Variants in SIRPG observed in about 807,000 individuals in gnomAD.
SIRPG encodes signal-regulatory protein gamma.
Under a neutral mutation model 35.7 loss-of-function variants are expected in SIRPG, and 38 were observed. That is an observed-to-expected ratio of 1.06 (90% CI 0.82 to 1.40). The LOEUF is 1.40. Ranked by LOEUF, SIRPG falls within the 40% of genes most tolerant of loss-of-function variation. SIRPG has a pLI of 0.00. For missense variants in SIRPG, 519 were observed against 483.0 expected (o/e 1.07, Z -0.70); for synonymous variants, 215 against 190.4 (o/e 1.13, Z -1.06).
chr20:1,685,489 C>T, the SIRPG span, among the ~76,000 whole-genome samples: 10 of 152,178 alleles, frequency 6.6e-5, no homozygotes, highest in South Asian at 4.1e-4. Context: ...CGGCCATCTA[C>T]GAGCCAGTAA....
chr20:1,652,104 C>G (rs963034470), intron 1 of SIRPG, among the ~76,000 whole-genome samples: 1 of 152,192 alleles, frequency 6.6e-6, no homozygotes, highest in Non-Finnish European at 1.5e-5. Context: ...TTCTAGACCA[C>G]TCCTGATGGT....
intron 1 of SIRPG, among the ~76,000 whole-genome samples, chr20:1,652,374 G>A (rs1025631877): frequency 6.6e-6 from 1 of 152,220 alleles, no homozygotes; most frequent in African/African-American, 2.4e-5. Context: ...ATTAAAATTT[G>A]TCAGGTGCAG....
intron 2 of SIRPG, among the ~76,000 whole-genome samples, chr20:1,642,085 A>G (rs1208738688): frequency 1.3e-5 from 2 of 152,102 alleles, no homozygotes; most frequent in Admixed American, 6.6e-5. Context: ...TGGGGTGGAG[A>G]GTTCTGTAGA....
At chr20:1,642,704 G>T (rs1246047550) in intron 2 of SIRPG, among the ~76,000 whole-genome samples, 1 of 152,138 alleles carries the variant, frequency 6.6e-6, no homozygotes, top group African/African-American at 2.4e-5. Flanking sequence ...GCAGTGGCTG[G>T]TACCGGTTTT....
chr20:1,668,050 A>C, the SIRPG span, among the ~76,000 whole-genome samples: 1 of 152,204 alleles, frequency 6.6e-6, no homozygotes, highest in Non-Finnish European at 1.5e-5. Context: ...CATGTTAAGG[A>C]AATTGAATTG....
At chr20:1,682,104 C>G in the SIRPG span, among the ~76,000 whole-genome samples, 36,450 of 151,980 alleles carry the variant, frequency 0.24, 5,130 homozygotes, top group East Asian at 0.59. Flanking sequence ...TTTTGAGGGA[C>G]TATGCATTTT....
intron 2 of SIRPG, among the ~76,000 whole-genome samples, chr20:1,642,852 T>A (rs894227334): frequency 1.3e-5 from 2 of 152,188 alleles, no homozygotes; most frequent in African/African-American, 4.8e-5. Context: ...AGATATGAAA[T>A]TCTGGGTTGA....
At chr20:1,653,530 G>A in intron 1 of SIRPG, among the ~76,000 whole-genome samples, 1 of 152,170 alleles carries the variant, frequency 6.6e-6, no homozygotes, top group Non-Finnish European at 1.5e-5. Flanking sequence ...GGTAATATAG[G>A]CAGACCTGTG....
At chr20:1,651,522 A>G (rs1217853459) in intron 1 of SIRPG, 1 of 152,084 alleles carries the variant, frequency 6.6e-6, no homozygotes, top group Non-Finnish European at 1.5e-5. Context: ...CTACCCAGCT[A>G]TGCCTCTCCA....
the SIRPG span, chr20:1,670,154 T>C: frequency 3.8e-6 from 1 of 263,586 alleles, no homozygotes; most frequent in South Asian, 5.3e-5. Flanking sequence ...CTGTAGGTTC[T>C]AGGGGTAGAA....
At chr20:1,642,568 A>T (rs1038728291) in intron 2 of SIRPG, among the ~76,000 whole-genome samples, 1 of 152,126 alleles carries the variant, frequency 6.6e-6, no homozygotes, top group Non-Finnish European at 1.5e-5. Context: ...ACCTAATTAC[A>T]TTTAAGCTTA....
intron 2 of SIRPG, among the ~76,000 whole-genome samples, chr20:1,636,866 C>T (rs1171560555): frequency 1.4e-5 from 2 of 147,722 alleles, no homozygotes; most frequent in Non-Finnish European, 3.0e-5. Context: ...GCTCACCAAC[C>T]TCAGAGAGGG....
At chr20:1,654,191 A>T (rs575592464) in intron 1 of SIRPG, among the ~76,000 whole-genome samples, 1 of 151,742 alleles carries the variant, frequency 6.6e-6, no homozygotes. Context: ...GTGAGCTGAG[A>T]TCACACCACT....
the SIRPG span, among the ~76,000 whole-genome samples, chr20:1,673,326 G>A: frequency 6.6e-6 from 1 of 152,074 alleles, no homozygotes; most frequent in Non-Finnish European, 1.5e-5. Flanking sequence ...CCATCCCTGT[G>A]AGGGGGTCCT....
At chr20:1,654,820 A>G (rs979170239) in intron 1 of SIRPG, among the ~76,000 whole-genome samples, 4 of 152,336 alleles carry the variant, frequency 2.6e-5, no homozygotes, top group Admixed American at 2.6e-4. Context: ...TATATAAGGA[A>G]GTCAAACAAC....
the SIRPG span, among the ~76,000 whole-genome samples, chr20:1,683,490 C>T: frequency 6.6e-6 from 1 of 152,110 alleles, no homozygotes; most frequent in African/African-American, 2.4e-5. Flanking sequence ...ATGGAATCAA[C>T]CTAAGTGTCT....
intron 4 of SIRPG, among the ~76,000 whole-genome samples, chr20:1,631,541 G>A (rs1449015798): frequency 1.3e-5 from 2 of 152,198 alleles, no homozygotes; most frequent in Non-Finnish European, 2.9e-5. Flanking sequence ...GAGGCATGCT[G>A]ACCCTACAGC....
chr20:1,645,628 C>T (rs1191123780), intron 2 of SIRPG, among the ~76,000 whole-genome samples: 3 of 152,204 alleles, frequency 2.0e-5, no homozygotes, highest in Non-Finnish European at 4.4e-5. Flanking sequence ...TTCAGCTCTC[C>T]CTACAGTCTG....
intron 2 of SIRPG, among the ~76,000 whole-genome samples, chr20:1,645,311 A>T (rs1167994063): frequency 6.6e-6 from 1 of 152,150 alleles, no homozygotes; most frequent in African/African-American, 2.4e-5. Flanking sequence ...GGGACTGGGT[A>T]TGAGAATCTT....
Sources: allele counts gnomAD v4.1 joint callset (sites outside exome capture counted in the v4.1 genomes callset), GRCh38; gene constraint gnomAD v4.1.1; transcripts MANE v1.5; gene names NCBI Gene and HGNC (gene_info 2026-07-23, HGNC 2026-07-21).